The following MTSS1 variants were observed in gnomAD, a reference collection of about 807,000 sequenced individuals.
The protein encoded by MTSS1 is MTSS I-BAR domain containing 1.
MTSS1 carries 18 observed loss-of-function variants against 79.0 expected under a neutral mutation model. The ratio of observed to expected loss-of-function variants is 0.23; its 90% CI spans 0.16 to 0.34. The LOEUF is 0.34. Ranked by LOEUF, MTSS1 falls within the 10% of genes least tolerant of loss-of-function variation. The pLI is 1.00. For missense variants in MTSS1, 815 were observed against 986.2 expected (o/e 0.83, Z 2.33); for synonymous variants, 341 against 368.6 (o/e 0.93, Z 0.86).
At chr8:124,583,568 C>T (rs946050307) in intron 6 of MTSS1, among the ~76,000 whole-genome samples, 23 of 152,220 alleles carry the variant, frequency 1.5e-4, no homozygotes, top group Non-Finnish European at 4.4e-5. Context: ...AGGATTATCA[C>T]TGTAGCCAAG....
chr8:124,552,188 TG>T lies in MTSS1; in HGVS notation c.*803del, dbSNP rs1270761152. On this transcript the variant is annotated 3_prime_UTR_variant, in exon 14 of 14. Coordinates refer to ENST00000518547, the MANE Select transcript of MTSS1 (RefSeq NM_014751.6). Reference sequence around the variant, plus strand: ...CCAGAGGCAGCAGCATGCATGGGGCTGGTTGTGGGTGCTGTGTGCAGTCCAG... The same window carrying T: ...CCAGAGGCAGCAGCATGCATGGGGCTGTTGTGGGTGCTGTGTGCAGTCCAG... 1.3e-5 allele frequency: 2 copies of T among 152,702 alleles called. No individual in the cohort carries two copies. The highest frequency in any genetic ancestry group is 2.9e-5 in the Non-Finnish European group (2 of 68,078). 9.5% of individuals were successfully genotyped at this position (152,702 alleles called of 1,614,324 possible).
intron 3 of MTSS1, among the ~76,000 whole-genome samples, chr8:124,638,654 C>T (rs1227954413): frequency 6.6e-6 from 1 of 152,172 alleles, no homozygotes; most frequent in African/African-American, 2.4e-5. Context: ...GGCCACAGAG[C>T]TCATTACCAC....
intron 11 of MTSS1, 77 bp downstream of exon 11, chr8:124,557,598 TAGTCGG>T: frequency 1.5e-6 from 2 of 1,297,224 alleles, no homozygotes; most frequent in South Asian, 2.9e-5. Context: ...GATGAGGGGA[TAGTCGG>T]GGTGAGGGGG....
At chr8:124,609,221 G>A (rs533792177) in intron 3 of MTSS1, among the ~76,000 whole-genome samples, 2 of 152,282 alleles carry the variant, frequency 1.3e-5, no homozygotes, top group East Asian at 1.9e-4. Context: ...GTCTGCTGCT[G>A]GGACAGTCTC....
intron 3 of MTSS1, among the ~76,000 whole-genome samples, chr8:124,634,908 CGTTCTATGCTGTGA>C (rs1292425210): frequency 1.3e-5 from 2 of 152,240 alleles, no homozygotes; most frequent in African/African-American, 4.8e-5. Context: ...TGGGAAGTGC[CGTTCTATGCTGTGA>C]GTTTAAAAGA....
chr8:124,670,741 CTGGCT>C (rs1448837387), intron 3 of MTSS1, among the ~76,000 whole-genome samples: 1 of 152,148 alleles, frequency 6.6e-6, no homozygotes, highest in East Asian at 1.9e-4. Flanking sequence ...AAAAGAGCTC[CTGGCT>C]CTTAATTACT....
intron 3 of MTSS1, among the ~76,000 whole-genome samples, chr8:124,596,379 G>A (rs934737036): frequency 1.3e-4 from 20 of 152,176 alleles, no homozygotes; most frequent in East Asian, 3.8e-4. Flanking sequence ...CCGATTCAAC[G>A]TGGTACATGT....
intron 6 of MTSS1, 47 bp from the exon 7 acceptor site, chr8:124,568,583 C>A (rs1164299387): frequency 6.2e-7 from 1 of 1,613,268 alleles, no homozygotes; most frequent in East Asian, 2.2e-5. Context: ...ATACCAGCTT[C>A]TGGAACAAGT....
At chr8:124,575,383 C>T (rs1271667126) in intron 6 of MTSS1, among the ~76,000 whole-genome samples, 1 of 152,150 alleles carries the variant, frequency 6.6e-6, no homozygotes, top group Non-Finnish European at 1.5e-5. Context: ...TAAATAATAA[C>T]AGTATTGAGC....
At chr8:124,678,129 G>A (rs1373353901) in intron 3 of MTSS1, among the ~76,000 whole-genome samples, 2 of 152,102 alleles carry the variant, frequency 1.3e-5, no homozygotes, top group African/African-American at 4.8e-5. Context: ...CATGATCTCA[G>A]CTGATCCCCT....
rs1344602164 is a variant in MTSS1 at position 124,666,444 on chromosome 8, T to C, written c.208+33082A>G. Among the ~76,000 whole-genome samples, 5 of 151,910 alleles carry C rather than the reference T, an allele frequency of 3.3e-5. 1 individual carries two copies. Among genetic ancestry groups the C allele is most frequent in the Admixed American group, 2.0e-4 (3 of 15,274 alleles). ...AAAGTGCACTGAAGAAAAATACTGA[T>C]GGAAACACAGGAACAAAGACAAAGG... On this transcript the variant is annotated intron_variant, in intron 3 of 13. Coordinates refer to ENST00000518547, the MANE Select transcript of MTSS1 (RefSeq NM_014751.6).
intron 3 of MTSS1, among the ~76,000 whole-genome samples, chr8:124,695,478 C>T (rs1216855292): frequency 6.6e-6 from 1 of 152,186 alleles, no homozygotes; most frequent in East Asian, 1.9e-4. Context: ...TGCTGCTGAC[C>T]AAAACAGCTT....
At chr8:124,671,738 G>C (rs376788888) in intron 3 of MTSS1, among the ~76,000 whole-genome samples, 1 of 152,134 alleles carries the variant, frequency 6.6e-6, no homozygotes, top group Non-Finnish European at 1.5e-5. Context: ...AACACCAGAC[G>C]CCTCTTATAT....
intron 6 of MTSS1, among the ~76,000 whole-genome samples, chr8:124,572,743 C>CTTTTTTTTTTTTTT (rs747243821): frequency 1.6e-5 from 2 of 123,666 alleles, no homozygotes; most frequent in Admixed American, 8.0e-5. Flanking sequence ...CTTTTCTTTT[C>CTTTTTTTTTTTTTT]TTTTTTTTTT....
At chr8:124,610,751 G>C (rs1318656239) in intron 3 of MTSS1, among the ~76,000 whole-genome samples, 2 of 152,172 alleles carry the variant, frequency 1.3e-5, no homozygotes, top group African/African-American at 4.8e-5. Flanking sequence ...AGAGGTACAA[G>C]AAGGGAGGGA....
chr8:124,722,227 T>C (rs1833054218), intron 1 of MTSS1, among the ~76,000 whole-genome samples: 1 of 152,170 alleles, frequency 6.6e-6, no homozygotes, highest in Admixed American at 6.5e-5. Flanking sequence ...GGAGTTTTGT[T>C]GGTGAGCCCA....
intron 3 of MTSS1, among the ~76,000 whole-genome samples, chr8:124,680,517 G>GA: frequency 6.6e-6 from 1 of 152,194 alleles, no homozygotes; most frequent in African/African-American, 2.4e-5. Context: ...AGGATTATAG[G>GA]AAAAAACAAA....
At chr8:124,725,612 A>C (rs758153137) in intron 1 of MTSS1, among the ~76,000 whole-genome samples, 5 of 152,230 alleles carry the variant, frequency 3.3e-5, no homozygotes, top group Non-Finnish European at 7.3e-5. Context: ...TGGGAGTTTA[A>C]AGAAGAGAAC....
chr8:124,662,935 G>A (rs1227016342), intron 3 of MTSS1, among the ~76,000 whole-genome samples: 5 of 152,222 alleles, frequency 3.3e-5, no homozygotes, highest in African/African-American at 7.2e-5. Context: ...CCAAGGGACC[G>A]AGACGTGACC....
Sources: allele counts gnomAD v4.1 joint callset (sites outside exome capture counted in the v4.1 genomes callset), GRCh38; gene constraint gnomAD v4.1.1; transcripts MANE v1.5; gene names NCBI Gene and HGNC (gene_info 2026-07-23, HGNC 2026-07-21).